PPP2R2B: variants seen among roughly 807,000 people sequenced by gnomAD.
The protein encoded by PPP2R2B is serine/threonine-protein phosphatase 2A 55 kDa regulatory subunit B beta isoform.
PPP2R2B carries 5 observed loss-of-function variants against 46.0 expected under a neutral mutation model. That is an observed-to-expected ratio of 0.11 (90% CI 0.06 to 0.23). The LOEUF is 0.23. Among genes scored for constraint, PPP2R2B ranks in the 10% least tolerant of loss-of-function variants. The pLI, the probability that PPP2R2B is intolerant of heterozygous loss-of-function variation, is 1.00. For synonymous variants in PPP2R2B, 215 were observed against 206.7 expected, an observed-to-expected ratio of 1.04 and a Z score of -0.34; for missense variants, 367 against 575.0, an observed-to-expected ratio of 0.64 and a Z score of 3.70.
intron 2 of PPP2R2B, among the ~76,000 whole-genome samples, chr5:146,787,095 C>T (rs902442274): frequency 7.9e-5 from 12 of 152,142 alleles, no homozygotes; most frequent in African/African-American, 2.9e-4. Flanking sequence ...TTAGATTTGT[C>T]AAAAATCAAA....
At chr5:146,704,369 C>A (rs1475683780) in intron 2 of PPP2R2B, among the ~76,000 whole-genome samples, 1 of 152,210 alleles carries the variant, frequency 6.6e-6, no homozygotes, top group Non-Finnish European at 1.5e-5. Context: ...CATTTGAAAT[C>A]ATGATCCACA....
chr5:146,830,492 A>G (rs556903812), intron 2 of PPP2R2B, among the ~76,000 whole-genome samples: 8 of 151,442 alleles, frequency 5.3e-5, no homozygotes, highest in Admixed American at 1.3e-4. Context: ...CATGTATCAC[A>G]TAGTATTTTT....
At chr5:147,048,204 T>G (rs1264680101) in intron 1 of PPP2R2B, among the ~76,000 whole-genome samples, 1 of 152,174 alleles carries the variant, frequency 6.6e-6, no homozygotes, top group Non-Finnish European at 1.5e-5. Flanking sequence ...TTTTTATCTT[T>G]TAATTACCCA....
intron 1 of PPP2R2B, among the ~76,000 whole-genome samples, chr5:146,905,824 T>C (rs1762978353): frequency 6.6e-6 from 1 of 152,204 alleles, no homozygotes; most frequent in South Asian, 2.1e-4. Context: ...CATTGGTTGC[T>C]AGTGCCCAGT....
chr5:146,583,236 C>T lies in PPP2R2B; in HGVS notation c.*6711G>A, dbSNP rs1312371523. 6.6e-6 allele frequency: 1 copy of T among 152,120 alleles called. No individual in the cohort carries two copies. The highest frequency in any genetic ancestry group is 1.5e-5 in the Non-Finnish European group (1 of 68,040). The allele number at this position is 152,120 out of a possible 1,614,324, so 9.4% of individuals were successfully genotyped here. Reference sequence around the variant, plus strand: ...CTTCTGGTCTGGATGAGTTAGTGCTCCTTTGTGTCCTCCTGGCACCCAGAC... The same window carrying T: ...CTTCTGGTCTGGATGAGTTAGTGCTTCTTTGTGTCCTCCTGGCACCCAGAC... On this transcript the variant is annotated 3_prime_UTR_variant, in exon 10 of 10. Coordinates refer to ENST00000394411, the MANE Select transcript of PPP2R2B (RefSeq NM_181675.4).
At chr5:146,993,991 T>C (rs1399774567) in intron 1 of PPP2R2B, among the ~76,000 whole-genome samples, 1 of 152,128 alleles carries the variant, frequency 6.6e-6, no homozygotes, top group African/African-American at 2.4e-5. Flanking sequence ...AACCACTGTA[T>C]TTTCCCTTGG....
intron 2 of PPP2R2B, among the ~76,000 whole-genome samples, chr5:146,793,875 C>T (rs186458): frequency 9.3e-4 from 142 of 152,316 alleles, no homozygotes; most frequent in African/African-American, 3.2e-3. Flanking sequence ...GCTGAGGTAT[C>T]TAAACACAGG....
chr5:146,986,585 CAG>C (rs1379834996), intron 1 of PPP2R2B, among the ~76,000 whole-genome samples: 2 of 151,970 alleles, frequency 1.3e-5, no homozygotes, highest in African/African-American at 4.8e-5. Context: ...AATAAAAAAA[CAG>C]AAATCCTGGA....
chr5:146,680,020 T>C (rs1778036260), intron 5 of PPP2R2B, among the ~76,000 whole-genome samples: 1 of 149,106 alleles, frequency 6.7e-6, no homozygotes, highest in Admixed American at 6.7e-5. Context: ...AGAAATCCCA[T>C]TTGACCCAGC....
At chr5:146,717,875 C>A (rs1004359762) in intron 2 of PPP2R2B, among the ~76,000 whole-genome samples, 2 of 152,142 alleles carry the variant, frequency 1.3e-5, no homozygotes, top group Admixed American at 1.3e-4. Context: ...TAGCCAACAT[C>A]TCTTCATTTT....
At chr5:146,889,003 G>A (rs570465884) in intron 1 of PPP2R2B, among the ~76,000 whole-genome samples, 1 of 152,316 alleles carries the variant, frequency 6.6e-6, no homozygotes, top group East Asian at 1.9e-4. Context: ...TATTACAGCA[G>A]TAGAACATAA....
At chr5:146,601,046 T>A (rs2151018223) in intron 7 of PPP2R2B, among the ~76,000 whole-genome samples, 1 of 152,306 alleles carries the variant, frequency 6.6e-6, no homozygotes, top group South Asian at 2.1e-4. Flanking sequence ...GAATATATGG[T>A]CATTTGGGAC....
At chr5:146,682,453 T>C (rs1423424353) in intron 5 of PPP2R2B, among the ~76,000 whole-genome samples, 2 of 152,322 alleles carry the variant, frequency 1.3e-5, no homozygotes, top group East Asian at 3.9e-4. Context: ...GCCCAACCTC[T>C]GTAAGAAAGT....
intron 1 of PPP2R2B, among the ~76,000 whole-genome samples, chr5:146,989,103 G>A (rs1753566334): frequency 6.6e-6 from 1 of 152,006 alleles, no homozygotes; most frequent in African/African-American, 2.4e-5. Flanking sequence ...GATAGGCACA[G>A]TAATAAAAAG....
At chr5:146,669,943 G>A (rs1035163371) in intron 5 of PPP2R2B, among the ~76,000 whole-genome samples, 8 of 152,236 alleles carry the variant, frequency 5.3e-5, no homozygotes, top group African/African-American at 1.9e-4. Flanking sequence ...CTTTAAACAT[G>A]AATTCCTCTT....
At chr5:146,962,485 C>T (rs1002219956) in intron 1 of PPP2R2B, among the ~76,000 whole-genome samples, 10 of 151,494 alleles carry the variant, frequency 6.6e-5, no homozygotes, top group Admixed American at 1.3e-4. Context: ...GGTGAAACCC[C>T]GTCTCTACTA....
At chr5:146,781,143 T>TC (rs1402942216) in intron 2 of PPP2R2B, among the ~76,000 whole-genome samples, 1 of 61,636 alleles carries the variant, frequency 1.6e-5, no homozygotes, top group African/African-American at 7.5e-5. Flanking sequence ...TATATATATA[T>TC]ATATATATAT....
At chr5:146,604,758 G>T (rs895925509) in intron 7 of PPP2R2B, among the ~76,000 whole-genome samples, 1 of 152,206 alleles carries the variant, frequency 6.6e-6, no homozygotes, top group Admixed American at 6.5e-5. Flanking sequence ...AGGAGGAAAG[G>T]TTCAGTAAGT....
intron 2 of PPP2R2B, among the ~76,000 whole-genome samples, chr5:146,795,656 T>C (rs539195043): frequency 2.6e-5 from 4 of 152,250 alleles, no homozygotes; most frequent in East Asian, 3.9e-4. Context: ...TCATCACATA[T>C]GCATAAAACA....
Sources: gnomAD v4.1 joint callset for allele counts (sites outside exome capture counted in the v4.1 genomes callset) on GRCh38, gnomAD v4.1.1 for gene constraint, MANE v1.5 for transcripts, NCBI Gene and HGNC (gene_info 2026-07-23, HGNC 2026-07-21) for gene names.